The following SLCO6A1 variants were observed in gnomAD, a reference collection of about 807,000 sequenced individuals.
SLCO6A1 encodes solute carrier organic anion transporter family member 6A1.
In SLCO6A1, 65 loss-of-function variants were observed where a neutral mutation model predicts 72.7. The ratio of observed to expected loss-of-function variants is 0.89; its 90% CI spans 0.73 to 1.10. The LOEUF (loss-of-function observed/expected upper bound fraction) is 1.10. Ranked by LOEUF, SLCO6A1 falls within the 50% of genes least tolerant of loss-of-function variation. SLCO6A1 has a pLI of 0.00. For synonymous variants in SLCO6A1, 314 were observed against 298.2 expected (o/e 1.05, Z -0.55); for missense variants, 874 against 872.6 (o/e 1.00, Z -0.02).
intron 13 of SLCO6A1, among the ~76,000 whole-genome samples, chr5:102,372,548 C>T (rs1408363384): frequency 6.6e-6 from 1 of 151,776 alleles, no homozygotes; most frequent in East Asian, 1.9e-4. Context: ...ATAGTTGACA[C>T]ATTTTCTACA....
At chr5:102,424,486 T>C (rs2112629513) in intron 7 of SLCO6A1, among the ~76,000 whole-genome samples, 2 of 152,242 alleles carry the variant, frequency 1.3e-5, no homozygotes, top group East Asian at 1.9e-4. Flanking sequence ...GAGAATACTA[T>C]AAACACTTCT....
chr5:102,488,587 A>T (rs916490417), intron 1 of SLCO6A1, among the ~76,000 whole-genome samples: 9 of 152,232 alleles, frequency 5.9e-5, no homozygotes, highest in Non-Finnish European at 1.3e-4. Context: ...ATAAAGAGCT[A>T]ACTAAGCAAT....
chr5:102,415,503 T>C (rs1394047340), intron 8 of SLCO6A1, among the ~76,000 whole-genome samples: 1 of 152,080 alleles, frequency 6.6e-6, no homozygotes, highest in African/African-American at 2.4e-5. Context: ...ATTGGATTGT[T>C]ATGTATAAGA....
At chr5:102,436,665 T>C (rs1749552796) in intron 7 of SLCO6A1, among the ~76,000 whole-genome samples, 1 of 152,164 alleles carries the variant, frequency 6.6e-6, no homozygotes, top group Non-Finnish European at 1.5e-5. Context: ...TCTCCATGAC[T>C]GATAATTTCA....
At chr5:102,402,663 T>C (rs888973033) in intron 9 of SLCO6A1, among the ~76,000 whole-genome samples, 1 of 152,128 alleles carries the variant, frequency 6.6e-6, no homozygotes, top group African/African-American at 2.4e-5. Context: ...GGCCAAACTG[T>C]TTTTATAGCA....
chr5:102,471,083 C>T (rs542785070), intron 4 of SLCO6A1, among the ~76,000 whole-genome samples: 14 of 151,996 alleles, frequency 9.2e-5, no homozygotes, highest in South Asian at 2.1e-4. Flanking sequence ...GATTTCTCCA[C>T]GGTCATTTTT....
chr5:102,431,005 T>C (rs914320041), intron 7 of SLCO6A1, among the ~76,000 whole-genome samples: 4 of 152,166 alleles, frequency 2.6e-5, no homozygotes, highest in Non-Finnish European at 5.9e-5. Context: ...ATTTAATTTC[T>C]TCCTAGATCA....
At chr5:102,451,861 C>A (rs1252543604) in intron 6 of SLCO6A1, among the ~76,000 whole-genome samples, 1 of 152,192 alleles carries the variant, frequency 6.6e-6, no homozygotes, top group East Asian at 1.9e-4. Flanking sequence ...CTAGCTGCTT[C>A]TAGTCAGACA....
chr5:102,490,954 T>C (rs1752647706), intron 1 of SLCO6A1, among the ~76,000 whole-genome samples: 1 of 152,042 alleles, frequency 6.6e-6, no homozygotes, highest in Non-Finnish European at 1.5e-5. Flanking sequence ...CTGCTTTTAT[T>C]ATCTTATCTG....
chr5:102,388,994 G>A (rs1292058468), intron 11 of SLCO6A1, among the ~76,000 whole-genome samples, 169 bp from the exon 12 acceptor site: 2 of 152,140 alleles, frequency 1.3e-5, no homozygotes, highest in Non-Finnish European at 1.5e-5. Context: ...TGGAAACAAT[G>A]TGAGTTTTCA....
intron 7 of SLCO6A1, among the ~76,000 whole-genome samples, chr5:102,433,380 A>G (rs1749326293): frequency 6.6e-6 from 1 of 151,974 alleles, no homozygotes; most frequent in African/African-American, 2.4e-5. Flanking sequence ...CTGCTTTTTT[A>G]TCTTTGTGGG....
Position 102,458,475 on chromosome 5 carries a change from T to A in SLCO6A1, c.1038A>T (p.Lys346Asn), listed in dbSNP as rs1288305492. 6.2e-7 allele frequency: 1 copy of A among 1,612,266 alleles called. No individual in the cohort carries two copies. The highest frequency in any genetic ancestry group is 1.7e-5 in the Admixed American group (1 of 59,782). Residue 346 changes from lysine (K) to asparagine (N), a missense_variant, in exon 6 of 14, where the codon AAA (lysine) becomes AAT (asparagine). Physicochemically the swap from Lys to Asn is moderately conservative, Grantham distance 94 (BLOSUM62 0). Transcript: ENST00000506729. ...AATGAAGCTGTTTACGTTTCCTAGC[T>A]TTTATCCGTGTTGAACCTATATATA... ...PNNMPGSTRI[K>N]ARKRKQLHFF...
At chr5:102,383,696 T>C (rs1232326338) in intron 12 of SLCO6A1, among the ~76,000 whole-genome samples, 4 of 151,912 alleles carry the variant, frequency 2.6e-5, no homozygotes. Flanking sequence ...GGCATCAGGG[T>C]AATTCTGGTC....
At chr5:102,428,311 G>GA (rs1198085546) in intron 7 of SLCO6A1, among the ~76,000 whole-genome samples, 7 of 151,808 alleles carry the variant, frequency 4.6e-5, no homozygotes, top group Non-Finnish European at 1.0e-4. Context: ...AGTAATACCA[G>GA]AAAAACAATT....
At chr5:102,493,857 C>G (rs544992682) in intron 1 of SLCO6A1, among the ~76,000 whole-genome samples, 1 of 152,242 alleles carries the variant, frequency 6.6e-6, no homozygotes, top group South Asian at 2.1e-4. Context: ...CATGAGGACA[C>G]TTAATATCGT....
At chr5:102,388,017 C>T (rs1246384983) in intron 12 of SLCO6A1, among the ~76,000 whole-genome samples, 1 of 152,094 alleles carries the variant, frequency 6.6e-6, no homozygotes, top group African/African-American at 2.4e-5. Context: ...GTGTTCTAGG[C>T]ACTGTTATAT....
rs1751973629 is a variant in SLCO6A1, at chr5:102,477,660, AG to A, written c.802+15del. ...ACTCAAAATGGGTCAATCGTAATAG[AG>A]GGGGTAAAACTTGCCTAAATAGATA... On this transcript the variant is annotated intron_variant, in intron 3 of 13. Transcript: ENST00000506729. 1.2e-6 allele frequency: 2 copies of A among 1,601,864 alleles called. No individual in the cohort carries two copies. Among genetic ancestry groups the A allele is most frequent in the Non-Finnish European group, 8.5e-7 (1 of 1,173,612 alleles).
intron 12 of SLCO6A1, among the ~76,000 whole-genome samples, chr5:102,381,079 T>G (rs564316672): frequency 2.2e-4 from 34 of 152,054 alleles, no homozygotes; most frequent in African/African-American, 7.9e-4. Context: ...CGGTTATTTT[T>G]TTGGGGGTGA....
At chr5:102,454,922 G>A (rs1457727380) in intron 6 of SLCO6A1, among the ~76,000 whole-genome samples, 1 of 149,374 alleles carries the variant, frequency 6.7e-6, no homozygotes, top group Non-Finnish European at 1.5e-5. Flanking sequence ...GATAAACACA[G>A]AATAGAAACA....
Sources: allele counts gnomAD v4.1 joint callset (sites outside exome capture counted in the v4.1 genomes callset), GRCh38; gene constraint gnomAD v4.1.1; transcripts MANE v1.5; gene names NCBI Gene and HGNC (gene_info 2026-07-23, HGNC 2026-07-21).